Variants in PSD3 observed in about 807,000 individuals in gnomAD.
PSD3 encodes PH and SEC7 domain-containing protein 3.
Under a neutral mutation model 105.5 loss-of-function variants are expected in PSD3, and 49 were observed. The ratio of observed to expected loss-of-function variants is 0.46; its 90% CI spans 0.37 to 0.59. The LOEUF (loss-of-function observed/expected upper bound fraction) is 0.59. Ranked by LOEUF, PSD3 falls within the 20% of genes least tolerant of loss-of-function variation. The pLI is 0.00. For missense variants in PSD3, 1,561 were observed against 1,263.8 expected (o/e 1.24, Z -3.57); for synonymous variants, 557 against 457.8 (o/e 1.22, Z -2.77).
At chr8:19,047,068 G>GCT (rs10642120) in intron 1 of PSD3, among the ~76,000 whole-genome samples, 13,094 of 152,212 alleles carry the variant, frequency 0.086, 589 homozygotes, top group African/African-American at 0.1. Flanking sequence ...CCTCTCCGGG[G>GCT]CTCGTTGCCA....
At chr8:18,733,291 T>C (rs889156584) in intron 9 of PSD3, 1 of 152,184 alleles carries the variant, frequency 6.6e-6, no homozygotes, top group Non-Finnish European at 1.5e-5. Flanking sequence ...GTCATAATTG[T>C]ATAAGTTCAA....
chr8:18,938,938 T>C (rs1437521235), intron 1 of PSD3, among the ~76,000 whole-genome samples: 1 of 152,240 alleles, frequency 6.6e-6, no homozygotes, highest in South Asian at 2.1e-4. Flanking sequence ...GGTGCATGTA[T>C]TGAGAATGGG....
At chr8:18,765,696 G>A (rs555042724) in intron 8 of PSD3, among the ~76,000 whole-genome samples, 158 bp from the exon 9 acceptor site, 2 of 152,274 alleles carry the variant, frequency 1.3e-5, no homozygotes, top group Admixed American at 6.5e-5. Flanking sequence ...GGAGGCCGAG[G>A]TGGGTGGATC....
At chr8:18,876,415 C>T (rs989769136) in intron 2 of PSD3, among the ~76,000 whole-genome samples, 4 of 152,102 alleles carry the variant, frequency 2.6e-5, no homozygotes, top group African/African-American at 9.7e-5. Flanking sequence ...GAGACAGGGT[C>T]TCACTCTGTC....
chr8:18,997,228 C>T (rs902544904), intron 1 of PSD3, among the ~76,000 whole-genome samples: 1 of 151,948 alleles, frequency 6.6e-6, no homozygotes, highest in Non-Finnish European at 1.5e-5. Context: ...GCCTACCAGA[C>T]AGCTCCCTGA....
At chr8:18,861,972 G>A (rs1413065492) in intron 4 of PSD3, among the ~76,000 whole-genome samples, 1 of 152,042 alleles carries the variant, frequency 6.6e-6, no homozygotes, top group African/African-American at 2.4e-5. Flanking sequence ...ACAGTGCACT[G>A]TGCTTCATAG....
intron 14 of PSD3, among the ~76,000 whole-genome samples, chr8:18,559,476 A>G (rs1801266112): frequency 1.3e-5 from 2 of 152,146 alleles, no homozygotes; most frequent in Admixed American, 6.5e-5. Context: ...TTGTATCAGT[A>G]TAGTTATTTA....
chr8:18,542,194 C>T (rs569836291), intron 15 of PSD3, among the ~76,000 whole-genome samples: 13 of 152,282 alleles, frequency 8.5e-5, no homozygotes, highest in African/African-American at 3.1e-4. Context: ...CATTACAATT[C>T]ATTACAACAT....
rs187617590 is a variant in PSD3 at position 18,718,340 on chromosome 8, C to T, written c.2172+47109G>A. On this transcript the variant is annotated intron_variant, in intron 9 of 15. Transcript: ENST00000327040. ...TGCTCAAATTAACTTTACTTTTCCC[C>T]ATAGGGAATTATAAAAGAAGATTTG... Among the ~76,000 whole-genome samples the T allele has an allele frequency of 1.5e-3, 225 of 152,298 alleles. 1 individual carries two copies. The highest frequency in any genetic ancestry group is 3.5e-3 in the Admixed American group (54 of 15,298).
chr8:18,618,279 T>A (rs897943078), intron 11 of PSD3, among the ~76,000 whole-genome samples: 3 of 144,688 alleles, frequency 2.1e-5, no homozygotes, highest in Non-Finnish European at 4.7e-5. Flanking sequence ...TTATATGTGT[T>A]GATTTATGTC....
intron 9 of PSD3, among the ~76,000 whole-genome samples, chr8:18,757,557 G>A (rs1182336408): frequency 6.6e-6 from 1 of 152,116 alleles, no homozygotes; most frequent in Admixed American, 6.5e-5. Flanking sequence ...GGACAAAGGG[G>A]CAATGAGGAA....
At chr8:18,646,616 A>C (rs1808054457) in intron 10 of PSD3, among the ~76,000 whole-genome samples, 1 of 152,144 alleles carries the variant, frequency 6.6e-6, no homozygotes, top group Non-Finnish European at 1.5e-5. Context: ...AAAAACTTAA[A>C]TGAAAGGCGA....
At chr8:19,019,316 GA>G (rs1002341495) in intron 1 of PSD3, among the ~76,000 whole-genome samples, 5 of 151,904 alleles carry the variant, frequency 3.3e-5, no homozygotes, top group Non-Finnish European at 7.4e-5. Flanking sequence ...CGTCAAAAAA[GA>G]AAAAAACTAA....
At chr8:18,942,956 C>G (rs536629559) in intron 1 of PSD3, among the ~76,000 whole-genome samples, 1 of 152,252 alleles carries the variant, frequency 6.6e-6, no homozygotes, top group East Asian at 1.9e-4. Context: ...GAAGGTATAT[C>G]CTTGCACCAG....
At chr8:18,632,842 C>A in intron 10 of PSD3, 36 bp from the exon 11 acceptor site, 1 of 1,436,318 alleles carries the variant, frequency 7.0e-7, no homozygotes, top group Non-Finnish European at 9.5e-7. Context: ...GAGTCAAGCA[C>A]CTATCATAAT....
At position 18,768,480 on chromosome 8, in the gene PSD3, C is replaced by T. The variant is rs142093454; in HGVS notation, c.2083-2942G>A. ...GGTATGAAGGCACGTGCTTTGCAGT[C>T]CCAGCTACTCTGGAGGCTGAGGGGC... On this transcript the variant is annotated intron_variant, in intron 8 of 15. Coordinates refer to ENST00000327040, the MANE Select transcript of PSD3 (RefSeq NM_015310.4). Among the ~76,000 whole-genome samples the T allele has an allele frequency of 8.5e-3, 1,285 of 152,058 alleles. 20 individuals are homozygous for T. The highest frequency in any genetic ancestry group is 0.026 in the African/African-American group (1,077 of 41,466).
intron 1 of PSD3, among the ~76,000 whole-genome samples, chr8:19,044,965 A>C (rs1586662332): frequency 6.6e-6 from 1 of 152,158 alleles, no homozygotes; most frequent in African/African-American, 2.4e-5. Flanking sequence ...TGGATGGATC[A>C]CCTGAGGTCA....
intron 4 of PSD3, among the ~76,000 whole-genome samples, chr8:18,807,453 A>G (rs1224505811): frequency 2.0e-5 from 3 of 152,242 alleles, no homozygotes; most frequent in African/African-American, 7.2e-5. Flanking sequence ...TTTAGACTCA[A>G]CTGTGTAAAA....
intron 15 of PSD3, among the ~76,000 whole-genome samples, chr8:18,544,830 C>T (rs1720868247): frequency 6.6e-6 from 1 of 152,118 alleles, no homozygotes. Context: ...GTGGACTCAG[C>T]TCTATCTTAC....
Sources: allele counts gnomAD v4.1 joint callset (sites outside exome capture counted in the v4.1 genomes callset), GRCh38; gene constraint gnomAD v4.1.1; transcripts MANE v1.5; gene names NCBI Gene and HGNC (gene_info 2026-07-23, HGNC 2026-07-21).